The following NBAS variants were observed in gnomAD, a reference collection of about 807,000 sequenced individuals.
NBAS encodes NBAS subunit of NRZ tethering complex.
In NBAS, 219 loss-of-function variants were observed where a neutral mutation model predicts 302.5. That is an observed-to-expected ratio of 0.72 (90% confidence interval 0.65 to 0.81). NBAS has a LOEUF of 0.81. NBAS is among the 30% of genes least tolerant of loss of function. NBAS has a pLI of 0.00. For synonymous variants in NBAS, 1,118 were observed against 1,021.6 expected, an observed-to-expected ratio of 1.09 and a Z score of -1.80; for missense variants, 2,932 against 2,841.6, an observed-to-expected ratio of 1.03 and a Z score of -0.72.
At chr2:15,105,537 A>T in the NBAS span, among the ~76,000 whole-genome samples, 1 of 151,992 alleles carries the variant, frequency 6.6e-6, no homozygotes, top group Non-Finnish European at 1.5e-5. Flanking sequence ...CTCCTAGCTC[A>T]CTATCCTTAG....
chr2:14,842,116 T>C, the NBAS span, among the ~76,000 whole-genome samples: 7,943 of 151,772 alleles, frequency 0.052, 689 homozygotes, highest in African/African-American at 0.18. Flanking sequence ...AAGAGGGAAA[T>C]TTTCAAACTT....
rs754693247 is a variant in NBAS at position 15,488,884 on chromosome 2, A to G, written c.1083+10T>C. On this transcript the variant is annotated intron_variant, in intron 12 of 51. Coordinates refer to ENST00000281513, the MANE Select transcript of NBAS (RefSeq NM_015909.4). ...TAAGAGAGTATCATTCTAATAACCA[A>G]GAGACGCACCTGCTCATTTTGACCC... is the stretch of plus-strand genomic sequence containing the variant. 69 of 1,613,404 alleles carry G rather than the reference A, an allele frequency of 4.3e-5. No homozygotes were observed. The highest frequency in any genetic ancestry group is 5.8e-5 in the Non-Finnish European group (68 of 1,179,572).
intron 44 of NBAS, among the ~76,000 whole-genome samples, chr2:15,272,237 G>T (rs574184812): frequency 6.6e-6 from 1 of 152,096 alleles, no homozygotes; most frequent in African/African-American, 2.4e-5. Context: ...TTATGCACTC[G>T]AGAATTAGCT....
the NBAS span, among the ~76,000 whole-genome samples, chr2:15,039,366 A>G: frequency 6.6e-6 from 1 of 152,180 alleles, no homozygotes; most frequent in African/African-American, 2.4e-5. Context: ...GAAACACCCT[A>G]TGATTCAAAA....
chr2:15,025,879 T>A, the NBAS span, among the ~76,000 whole-genome samples: 2 of 152,208 alleles, frequency 1.3e-5, no homozygotes, highest in South Asian at 2.1e-4. Context: ...ACTATGGGAT[T>A]TTCTAGATAC....
chr2:15,215,320 A>G (rs757168119), intron 48 of NBAS, among the ~76,000 whole-genome samples: 3 of 152,216 alleles, frequency 2.0e-5, no homozygotes, highest in Non-Finnish European at 4.4e-5. Context: ...GGTAGCAAGA[A>G]CCAGAGACTC....
chr2:15,386,440 A>C (rs918793859), intron 28 of NBAS, among the ~76,000 whole-genome samples: 1 of 152,184 alleles, frequency 6.6e-6, no homozygotes, highest in Non-Finnish European at 1.5e-5. Context: ...ATATGTTTTA[A>C]AAGTTCTTGA....
intron 44 of NBAS, among the ~76,000 whole-genome samples, chr2:15,246,745 T>C (rs1050300419): frequency 6.6e-6 from 1 of 152,226 alleles, no homozygotes; most frequent in African/African-American, 2.4e-5. Context: ...AAGCTACTGA[T>C]GGCTGTTTAT....
In NBAS at chr2:15,540,651, A is replaced by G. The variant is rs1392690355; in HGVS notation, c.380-1295T>C. ...TTTGCCTTCTACCACTTCCTCTGTC[A>G]TATACCTAATAACCCACTCATACCA... is the stretch of plus-strand genomic sequence containing the variant. On this transcript the variant is annotated intron_variant, in intron 6 of 51. Coordinates refer to ENST00000281513, the MANE Select transcript of NBAS (RefSeq NM_015909.4). Among the ~76,000 whole-genome samples, 4 of 152,074 alleles carry G rather than the reference A, an allele frequency of 2.6e-5. No individual in the cohort carries two copies. In the East Asian group the frequency reaches 7.8e-4, roughly 29 times the overall value.
At chr2:14,965,048 A>G in the NBAS span, among the ~76,000 whole-genome samples, 1 of 152,106 alleles carries the variant, frequency 6.6e-6, no homozygotes, top group Non-Finnish European at 1.5e-5. Context: ...CTTAAAAGGA[A>G]ATTTATAATA....
chr2:15,373,909 C>G (rs1674604212), intron 31 of NBAS, among the ~76,000 whole-genome samples: 1 of 152,098 alleles, frequency 6.6e-6, no homozygotes, highest in African/African-American at 2.4e-5. Context: ...ATTTAGGGCA[C>G]AGAGGTCCAG....
the NBAS span, among the ~76,000 whole-genome samples, chr2:15,140,323 A>C: frequency 6.6e-6 from 1 of 152,192 alleles, no homozygotes; most frequent in Non-Finnish European, 1.5e-5. Flanking sequence ...TGCCACCATG[A>C]CCTTTCCAAA....
the NBAS span, among the ~76,000 whole-genome samples, chr2:14,924,879 A>G: frequency 2.0e-5 from 3 of 152,170 alleles, no homozygotes; most frequent in African/African-American, 7.2e-5. Context: ...TAAAATGCAA[A>G]TACACCCTAC....
At chr2:15,485,637 G>A (rs867868209) in intron 12 of NBAS, among the ~76,000 whole-genome samples, 3 of 152,156 alleles carry the variant, frequency 2.0e-5, no homozygotes, top group Admixed American at 2.0e-4. Context: ...GCTACAAGAC[G>A]ATCTTATTCC....
the NBAS span, among the ~76,000 whole-genome samples, chr2:14,922,737 G>A: frequency 3.9e-5 from 6 of 152,154 alleles, no homozygotes; most frequent in Non-Finnish European, 5.9e-5. Flanking sequence ...CCATAACAGC[G>A]AGACAGTAGG....
At chr2:15,083,823 G>T in the NBAS span, among the ~76,000 whole-genome samples, 1 of 152,128 alleles carries the variant, frequency 6.6e-6, no homozygotes. Flanking sequence ...CATGAGCTTT[G>T]GGGTGAGAAG....
chr2:15,195,857 C>T (rs1665595344), intron 48 of NBAS, among the ~76,000 whole-genome samples: 2 of 152,156 alleles, frequency 1.3e-5, no homozygotes, highest in African/African-American at 4.8e-5. Flanking sequence ...CTCAAGTGAG[C>T]ATGCGTACAA....
At chr2:14,970,256 T>TA in the NBAS span, among the ~76,000 whole-genome samples, 1 of 152,170 alleles carries the variant, frequency 6.6e-6, no homozygotes, top group Non-Finnish European at 1.5e-5. Flanking sequence ...ATATTTCTTA[T>TA]AAAAAACAAC....
At chr2:14,901,967 G>A in the NBAS span, among the ~76,000 whole-genome samples, 21 of 152,262 alleles carry the variant, frequency 1.4e-4, no homozygotes, top group Non-Finnish European at 2.8e-4. Flanking sequence ...CTGTCCTCTC[G>A]CGATAACAGC....
Sources: allele counts gnomAD v4.1 joint callset (sites outside exome capture counted in the v4.1 genomes callset), GRCh38; gene constraint gnomAD v4.1.1; transcripts MANE v1.5; gene names NCBI Gene and HGNC (gene_info 2026-07-23, HGNC 2026-07-21).